The following GTF2B variants were observed in gnomAD, a reference collection of about 807,000 sequenced individuals.
GTF2B encodes the protein transcription initiation factor IIB.
Under a neutral mutation model 34.6 loss-of-function variants are expected in GTF2B, and 20 were observed. The observed-to-expected ratio is 0.58, with a 90% confidence interval of 0.41 to 0.84. The LOEUF (loss-of-function observed/expected upper bound fraction) is 0.84, where lower values mean the gene tolerates loss of function less well. GTF2B is among the 40% of genes least tolerant of loss of function. GTF2B has a pLI of 0.00. For synonymous variants in GTF2B, 142 were observed against 132.4 expected (o/e 1.07, Z -0.50); for missense variants, 237 against 393.3 (o/e 0.60, Z 3.36).
chr1:88,857,003 G>A (rs1429112055), intron 6 of GTF2B, among the ~76,000 whole-genome samples: 6 of 152,090 alleles, frequency 3.9e-5, no homozygotes, highest in African/African-American at 9.7e-5. Context: ...GTTTCACCAT[G>A]TTGATCAGGC....
At chr1:88,885,046 TGTGGTTTCTGTTGAAGC>T (rs1674029814) in intron 2 of GTF2B, among the ~76,000 whole-genome samples, 1 of 152,244 alleles carries the variant, frequency 6.6e-6, no homozygotes, top group East Asian at 1.9e-4. Context: ...GAGCTGCACA[TGTGGTTTCTGTTGAAGC>T]TACTAAGCTC....
intron 2 of GTF2B, among the ~76,000 whole-genome samples, chr1:88,877,798 G>A (rs1169694767): frequency 6.6e-6 from 1 of 152,196 alleles, no homozygotes; most frequent in Non-Finnish European, 1.5e-5. Flanking sequence ...TGGGCATGGT[G>A]GTGGTCACCT....
chr1:88,876,356 A>G (rs931076105), intron 2 of GTF2B, among the ~76,000 whole-genome samples: 1 of 151,554 alleles, frequency 6.6e-6, no homozygotes, highest in Non-Finnish European at 1.5e-5. Flanking sequence ...ACTTAGAATC[A>G]CCCTCTTTTT....
intron 6 of GTF2B, among the ~76,000 whole-genome samples, chr1:88,854,383 C>T (rs1673254968): frequency 6.6e-6 from 1 of 152,282 alleles, no homozygotes; most frequent in South Asian, 2.1e-4. Context: ...TCCACTTTTA[C>T]CCTTTAAAGT....
At chr1:88,889,372 C>T (rs1557663493) in intron 1 of GTF2B, among the ~76,000 whole-genome samples, 2 of 152,118 alleles carry the variant, frequency 1.3e-5, no homozygotes, top group African/African-American at 4.8e-5. Flanking sequence ...CAGAGAGAAA[C>T]AATAGGGAGG....
At chr1:88,857,058 T>C (rs902738563) in intron 6 of GTF2B, 148 bp downstream of exon 6, 72 of 684,590 alleles carry the variant, frequency 1.1e-4, no homozygotes, top group African/African-American at 3.0e-4. Flanking sequence ...GCCTCGGCCT[T>C]CCAAAGTGCT....
At position 88,853,298 on chromosome 1, in the gene GTF2B, T is replaced by TA; in HGVS notation, c.865dup (p.Tyr289LeufsTer2). The TA allele has an allele frequency of 6.2e-7, 1 of 1,611,128 alleles. No individual in the cohort carries two copies. The stretch of plus-strand genomic sequence containing the variant: ...TGGGGCTCGAGGATAGATCAGTCTA[T>TA]AGGACTGTCTGATTGTAACATCAGC... On this transcript the variant is annotated frameshift_variant, in exon 7 of 7. Coordinates refer to ENST00000370500, the MANE Select transcript of GTF2B (RefSeq NM_001514.6). LOFTEE classifies it high-confidence loss of function.
intron 2 of GTF2B, among the ~76,000 whole-genome samples, chr1:88,867,992 A>T (rs1310126314): frequency 1.3e-5 from 2 of 152,368 alleles, no homozygotes; most frequent in South Asian, 4.1e-4. Context: ...TGAAGTTTCC[A>T]AAACAACTCA....
At chr1:88,877,688 C>A (rs1673846348) in intron 2 of GTF2B, among the ~76,000 whole-genome samples, 1 of 152,184 alleles carries the variant, frequency 6.6e-6, no homozygotes, top group Non-Finnish European at 1.5e-5. Context: ...TCCCAGCATT[C>A]TGGGAAGCCG....
At chr1:88,879,751 G>A (rs933423430) in intron 2 of GTF2B, among the ~76,000 whole-genome samples, 3 of 152,012 alleles carry the variant, frequency 2.0e-5, no homozygotes, top group Non-Finnish European at 2.9e-5. Context: ...CAAATTAAAC[G>A]TTAATTAAAT....
Position 88,853,192 on chromosome 1 carries a change from T to A in GTF2B, c.*21A>T. 6.2e-7 allele frequency: 1 copy of A among 1,612,418 alleles called. No homozygotes were observed. Among genetic ancestry groups the A allele is most frequent in the East Asian group, 2.2e-5 (1 of 44,856 alleles). On this transcript the variant is annotated 3_prime_UTR_variant, in exon 7 of 7. Coordinates refer to ENST00000370500, the MANE Select transcript of GTF2B (RefSeq NM_001514.6). Reference sequence around the variant, plus strand: ...ACAGGCAAAGTTTTGTATTCAAGAATTTGACGTTAGCTGCCTCAATTTATA... The same window carrying A: ...ACAGGCAAAGTTTTGTATTCAAGAAATTGACGTTAGCTGCCTCAATTTATA...
intron 2 of GTF2B, among the ~76,000 whole-genome samples, chr1:88,874,407 G>A (rs1003188610): frequency 2.0e-5 from 3 of 151,422 alleles, no homozygotes; most frequent in Non-Finnish European, 4.4e-5. Flanking sequence ...AAACTCCTGG[G>A]CTCAAACAAT....
chr1:88,875,501 G>A (rs1673796766), intron 2 of GTF2B, among the ~76,000 whole-genome samples: 1 of 152,192 alleles, frequency 6.6e-6, no homozygotes, highest in Admixed American at 6.5e-5. Context: ...CTGATGCACT[G>A]GTTGAAGGTG....
At chr1:88,887,545 T>A (rs1674104070) in intron 1 of GTF2B, 178 bp from the exon 2 acceptor site, 1 of 528,052 alleles carries the variant, frequency 1.9e-6, no homozygotes, top group Non-Finnish European at 3.4e-6. Context: ...AAATTCCAGC[T>A]AGTAACTGGC....
chr1:88,872,069 T>C (rs1673705594), intron 2 of GTF2B, among the ~76,000 whole-genome samples: 1 of 152,124 alleles, frequency 6.6e-6, no homozygotes, highest in Non-Finnish European at 1.5e-5. Context: ...TTGTACCAAA[T>C]GACAAACTGA....
intron 2 of GTF2B, among the ~76,000 whole-genome samples, chr1:88,869,433 A>C (rs565067062): frequency 6.6e-6 from 1 of 152,360 alleles, no homozygotes; most frequent in East Asian, 1.9e-4. Context: ...TGATATATGC[A>C]ACAACAAATA....
chr1:88,869,358 C>T (rs1434022082), intron 2 of GTF2B, among the ~76,000 whole-genome samples: 5 of 151,966 alleles, frequency 3.3e-5, no homozygotes, highest in African/African-American at 9.7e-5. Context: ...GTGTATTTAC[C>T]CATTAGAAAC....
intron 3 of GTF2B, among the ~76,000 whole-genome samples, chr1:88,861,027 G>A (rs764243354): frequency 4.3e-4 from 65 of 152,150 alleles, no homozygotes; most frequent in Non-Finnish European, 6.9e-4. Context: ...CCTGGAATAT[G>A]CAAGAAAATC....
At chr1:88,883,951 G>C (rs1674002411) in intron 2 of GTF2B, among the ~76,000 whole-genome samples, 2 of 151,312 alleles carry the variant, frequency 1.3e-5, no homozygotes, top group Admixed American at 1.3e-4. Context: ...CTGCTTTGAA[G>C]CTATTTTCTC....
Sources: gnomAD v4.1 joint callset for allele counts (sites outside exome capture counted in the v4.1 genomes callset) on GRCh38, gnomAD v4.1.1 for gene constraint, MANE v1.5 for transcripts, NCBI Gene and HGNC (gene_info 2026-07-23, HGNC 2026-07-21) for gene names.